The following SPG11 variants were observed in gnomAD, a reference collection of about 807,000 sequenced individuals.
SPG11 encodes the protein spatacsin.
A neutral mutation model predicts 274.0 loss-of-function variants in SPG11; 222 were observed. The ratio of observed to expected loss-of-function variants is 0.81; its 90% CI spans 0.73 to 0.91. The LOEUF (loss-of-function observed/expected upper bound fraction) is 0.91. Among genes scored for constraint, SPG11 ranks in the 40% least tolerant of loss-of-function variants. The pLI, the probability that SPG11 is intolerant of heterozygous loss-of-function variation, is 0.00. For missense variants in SPG11, 3,114 were observed against 2,872.7 expected (o/e 1.08, Z -1.92); for synonymous variants, 1,144 against 1,039.7 (o/e 1.10, Z -1.93).
rs758774049 is a variant in SPG11, at chr15:44,598,626, T to G, written c.3892+5A>C. On this transcript the variant is annotated splice_donor_5th_base_variant and intron_variant, in intron 22 of 39. Transcript: ENST00000261866. ...ACAAAGCAGGCCAGATAAAAGGTGC[T>G]GTACCTACAGACTCTCTGATAAAGC... 8.1e-6 allele frequency: 13 copies of G among 1,613,856 alleles called. No individual in the cohort carries two copies. Among genetic ancestry groups the G allele is most frequent in the African/African-American group, 1.3e-5 (1 of 75,054 alleles).
intron 4 of SPG11, among the ~76,000 whole-genome samples, chr15:44,655,325 T>A (rs190147102): frequency 3.3e-5 from 5 of 152,222 alleles, no homozygotes; most frequent in Non-Finnish European, 5.9e-5. Flanking sequence ...TTTTTCATCA[T>A]GTTTCGTGCC....
At chr15:44,612,849 T>C (rs1408940133) in intron 17 of SPG11, among the ~76,000 whole-genome samples, 1 of 152,208 alleles carries the variant, frequency 6.6e-6, no homozygotes, top group African/African-American at 2.4e-5. Flanking sequence ...TACATGCAAC[T>C]GAAAGACTAC....
In SPG11 at chr15:44,633,402, T is replaced by A. The variant is rs141768569; in HGVS notation, c.1735+103A>T. ...AGTACGTAAAATCCCATGACTAAGT[T>A]TTGGCAAGTAAATGAGTCATCAGAA... On this transcript the variant is annotated intron_variant, in intron 8 of 39. Transcript: ENST00000261866. 5.2e-4 allele frequency: 368 copies of A among 704,006 alleles called. No individual in the cohort carries two copies. In the African/African-American group the frequency reaches 6.7e-3, roughly 13 times the overall value. The allele number at this position is 704,006 out of a possible 1,614,324, so 43.6% of individuals were successfully genotyped here. A position where few individuals can be genotyped will look rare whatever the true frequency, so the allele number is the denominator to read the frequency against.
chr15:44,613,638 T>C (rs1370369437), intron 16 of SPG11, 102 bp from the exon 17 acceptor site: 1 of 742,626 alleles, frequency 1.3e-6, no homozygotes, highest in Non-Finnish European at 2.3e-6. Context: ...AAAAGAATCT[T>C]GGAATTAAAA....
chr15:44,578,444 G>A (rs1182917876), intron 30 of SPG11, among the ~76,000 whole-genome samples: 1 of 152,036 alleles, frequency 6.6e-6, no homozygotes, highest in African/African-American at 2.4e-5. Flanking sequence ...GAATAGTCAG[G>A]GTAGTGCAAG....
chr15:44,566,295 G>A lies in SPG11; in HGVS notation c.6765C>T (p.Leu2255=), dbSNP rs1432403497. The part of the protein sequence containing the change: ...LIESQPWEDS[L]KDGHQLKQLL... ...GTTGTTTCAGCTGGTGCCCATCCTTGAGGCTGTCCTCTGTAGGGGAAATAA... is the reference window on the plus strand; with the variant it reads ...GTTGTTTCAGCTGGTGCCCATCCTTAAGGCTGTCCTCTGTAGGGGAAATAA... The change falls in exon 37 of 40, where the codon CTC becomes CTT. Residue 2255 remains leucine (L), a synonymous_variant. Transcript: ENST00000261866. 2 of 1,613,960 alleles carry A rather than the reference G, an allele frequency of 1.2e-6. No homozygotes were observed. The highest frequency in any genetic ancestry group is 1.7e-6 in the Non-Finnish European group (2 of 1,180,008).
chr15:44,574,458 CTCT>C (rs1345799440), intron 31 of SPG11, among the ~76,000 whole-genome samples: 1 of 152,198 alleles, frequency 6.6e-6, no homozygotes, highest in Non-Finnish European at 1.5e-5. Flanking sequence ...TTCTCTTGTG[CTCT>C]TCTACTTCCA....
rs965884044 is a variant in SPG11 at position 44,626,506 on chromosome 15, T to C, written c.2069A>G (p.Glu690Gly). 3.1e-6 allele frequency: 5 copies of C among 1,613,666 alleles called. No homozygotes were observed. The Admixed American group carries it at 8.3e-5, about 27-fold the overall frequency. The change falls in exon 11 of 40, where the codon GAA (glutamate) becomes GGA (glycine). Residue 690 changes from glutamate (E) to glycine (G), a missense_variant and splice_region_variant. Physicochemically the swap from Glu to Gly is moderately conservative, Grantham distance 98. Transcript: ENST00000261866. ...GTTTAAAATGGCGCTGGCAATAACT[T>C]CCTAGGAAAAGAAAAACGTTTGCCT... ...SNIWKKLSFE[E>G]VIASAILNNK... is the part of the protein sequence containing the mutation.
At chr15:44,564,797 A>G (rs1948953067) in intron 38 of SPG11, 99 bp from the exon 39 acceptor site, 2 of 1,295,960 alleles carry the variant, frequency 1.5e-6, no homozygotes, top group Admixed American at 3.7e-5. Context: ...TCACTCATGT[A>G]GTGAATATGA....
chr15:44,595,986 C>A, intron 25 of SPG11, 97 bp downstream of exon 25: 1 of 1,506,818 alleles, frequency 6.6e-7, no homozygotes, highest in African/African-American at 1.4e-5. Context: ...ACCTCACTGT[C>A]ATCATCACCC....
At position 44,585,430 on chromosome 15, in the gene SPG11, C is replaced by CAAA. The variant is rs67858533; in HGVS notation, c.5121+203_5121+205dup. Among the ~76,000 whole-genome samples, 80 of 97,234 alleles carry CAAA rather than the reference C, an allele frequency of 8.2e-4. 1 individual carries two copies. The highest frequency in any genetic ancestry group is 2.1e-3 in the African/African-American group (49 of 23,614). 63.8% of individuals were successfully genotyped at this position (97,234 alleles called of 152,430 possible). On this transcript the variant is annotated intron_variant, in intron 29 of 39. Coordinates refer to ENST00000261866, the MANE Select transcript of SPG11 (RefSeq NM_025137.4). ...TGAAACCCCATCTCTACTAAAAATACAAAAAAAAAAAAAAAAAAAAATTCA... is the reference window on the plus strand; with the variant it reads ...TGAAACCCCATCTCTACTAAAAATACAAAAAAAAAAAAAAAAAAAAAAAATTCA...
intron 26 of SPG11, among the ~76,000 whole-genome samples, chr15:44,593,572 A>G (rs992550867): frequency 2.8e-4 from 43 of 152,210 alleles, no homozygotes; most frequent in Admixed American, 2.7e-3. Flanking sequence ...TGATTCATAC[A>G]TTTTATTGTT....
rs1313297244 is a variant in SPG11 at position 44,563,132 on chromosome 15, G to T, written c.7321C>A (p.Leu2441Ile). 3 of 1,613,960 alleles carry T rather than the reference G, an allele frequency of 1.9e-6. No individual in the cohort carries two copies. The highest frequency in any genetic ancestry group is 2.5e-6 in the Non-Finnish European group (3 of 1,179,938). The part of the protein sequence containing the change: ...PQTGCCLKDM[L>I]AG ...ACCTATGAAATCATCTAACCTGCTAGCATGTCCTTTAGACAGCAACCTGTC... is the reference window on the plus strand; with the variant it reads ...ACCTATGAAATCATCTAACCTGCTATCATGTCCTTTAGACAGCAACCTGTC... Residue 2441 changes from leucine to isoleucine, a missense_variant, in exon 40 of 40, where the codon CTA becomes ATA. Leu to Ile is a conservative substitution (Grantham distance 5). Coordinates refer to ENST00000261866, the MANE Select transcript of SPG11 (RefSeq NM_025137.4).
Position 44,595,954 on chromosome 15 carries a change from G to C in SPG11, c.4434+129C>G, listed in dbSNP as rs1427174915. ...CTAGAGAAGCACAAAATGTTGCAGT[G>C]AACTTGGAAACACATGCTGGAACCT... On this transcript the variant is annotated intron_variant, in intron 25 of 39. Transcript: ENST00000261866. 16 of 1,262,756 alleles carry C rather than the reference G, an allele frequency of 1.3e-5. No homozygotes were observed. In the Admixed American group the frequency reaches 2.5e-4, roughly 20 times the overall value. The allele number at this position is 1,262,756 out of a possible 1,614,324, so 78.2% of individuals were successfully genotyped here. A position where few individuals can be genotyped will look rare whatever the true frequency, so the allele number is the denominator to read the frequency against.
rs200102584 is a variant in SPG11, at chr15:44,584,273, G to A, written c.5407C>T (p.Leu1803=). 2.1e-5 allele frequency: 34 copies of A among 1,613,598 alleles called. No homozygotes were observed. The highest frequency in any genetic ancestry group is 1.7e-6 in the Non-Finnish European group (2 of 1,179,728). The part of the protein sequence containing the change: ...KLEELEKQIW[L]CRITQHTLGR... ...AGAGTGTGCTGGGTGATGCGGCACAGCCAGATCTGCTTCTCCAGCTCCTCC... is the reference window on the plus strand; with the variant it reads ...AGAGTGTGCTGGGTGATGCGGCACAACCAGATCTGCTTCTCCAGCTCCTCC... The change falls in exon 30 of 40, where the codon CTG becomes TTG. Residue 1803 remains leucine (L), a synonymous_variant. Transcript: ENST00000261866.
At chr15:44,638,663 T>G (rs2141071905) in intron 7 of SPG11, among the ~76,000 whole-genome samples, 1 of 152,278 alleles carries the variant, frequency 6.6e-6, no homozygotes, top group Middle Eastern at 3.4e-3. Context: ...GATGTTTTAT[T>G]TCTTCACCTG....
At chr15:44,615,104 T>C (rs920986893) in intron 16 of SPG11, among the ~76,000 whole-genome samples, 3 of 152,212 alleles carry the variant, frequency 2.0e-5, no homozygotes, top group African/African-American at 7.2e-5. Context: ...ATTTCTTTCA[T>C]TGTATTCTAA....
At chr15:44,612,195 CTTG>C (rs1422389574) in intron 17 of SPG11, among the ~76,000 whole-genome samples, 5 of 152,162 alleles carry the variant, frequency 3.3e-5, no homozygotes, top group Non-Finnish European at 5.9e-5. Flanking sequence ...ATAGATGTTT[CTTG>C]TTGTTCTACT....
chr15:44,575,415 C>T (rs79329108), intron 30 of SPG11: 31 of 200,338 alleles, frequency 1.5e-4, no homozygotes, highest in African/African-American at 6.1e-4. Context: ...TAGTTCCAGC[C>T]TTCATCACTC....
Sources: gnomAD v4.1 joint callset for allele counts (sites outside exome capture counted in the v4.1 genomes callset) on GRCh38, gnomAD v4.1.1 for gene constraint, MANE v1.5 for transcripts, NCBI Gene and HGNC (gene_info 2026-07-23, HGNC 2026-07-21) for gene names.